The following MDGA2 variants were observed in gnomAD, a reference collection of about 807,000 sequenced individuals.
MDGA2 encodes the protein MAM domain-containing glycosylphosphatidylinositol anchor protein 2.
In MDGA2, 40 loss-of-function variants were observed where a neutral mutation model predicts 117.8. That is an observed-to-expected ratio of 0.34 (90% confidence interval 0.26 to 0.44). MDGA2 has a LOEUF of 0.44. MDGA2 is among the 20% of genes least tolerant of loss of function. The pLI is 1.00. For synonymous variants in MDGA2, 452 were observed against 439.0 expected, an observed-to-expected ratio of 1.03 and a Z score of -0.37; for missense variants, 1,123 against 1,250.6, an observed-to-expected ratio of 0.90 and a Z score of 1.54.
intron 5 of MDGA2, among the ~76,000 whole-genome samples, chr14:47,099,398 A>C (rs1196639601): frequency 6.6e-6 from 1 of 151,992 alleles, no homozygotes. Flanking sequence ...AAAACATAAA[A>C]ATATTTTTGT....
chr14:47,171,828 T>G lies in MDGA2; in HGVS notation c.596-27554A>C, dbSNP rs531619085. 3.2e-4 allele frequency among the ~76,000 whole-genome samples: 49 copies of G among 152,212 alleles called. 3 individuals are homozygous for G. In the South Asian group the frequency reaches 7.5e-3, roughly 23 times the overall value. ...TGGGTGCAGCACACCATGCGCGAGC[T>G]GAAGCAGGGCGAGGCATTGCCTTAC... On this transcript the variant is annotated intron_variant, in intron 3 of 16. Coordinates refer to ENST00000399232, the MANE Select transcript of MDGA2 (RefSeq NM_001113498.3).
chr14:46,955,527 G>C (rs528908780), intron 9 of MDGA2, among the ~76,000 whole-genome samples: 1 of 152,102 alleles, frequency 6.6e-6, no homozygotes, highest in East Asian at 1.9e-4. Flanking sequence ...TGCTTACTTT[G>C]TTCTTTTTCC....
At chr14:47,269,884 C>G (rs1489702077) in intron 2 of MDGA2, among the ~76,000 whole-genome samples, 1 of 152,108 alleles carries the variant, frequency 6.6e-6, no homozygotes, top group East Asian at 1.9e-4. Context: ...GAAATAAAGT[C>G]TGGAAAAACA....
intron 8 of MDGA2, among the ~76,000 whole-genome samples, chr14:46,993,907 T>C (rs1177324362): frequency 1.3e-5 from 2 of 152,176 alleles, no homozygotes; most frequent in Non-Finnish European, 2.9e-5. Context: ...GTCCATGTTA[T>C]ACGTGATACA....
In MDGA2 at chr14:47,675,317, GA is replaced by G. The variant is rs1898163519; in HGVS notation, c.-522del. Among the ~76,000 whole-genome samples, 1 of 918 alleles carries G rather than the reference GA, an allele frequency of 1.1e-3. No homozygotes were observed. Among genetic ancestry groups the G allele is most frequent in the African/African-American group, 3.6e-3 (1 of 278 alleles). The allele number at this position is 918 out of a possible 152,430, so 0.6% of individuals were successfully genotyped here. ...TCGCATCGCCGAACGGGGAGAGGAG[GA>G]AGAGGAGGAGGAGGAAGAGGAGGAG... On this transcript the variant is annotated 5_prime_UTR_variant, in exon 1 of 17. Coordinates refer to ENST00000399232, the MANE Select transcript of MDGA2 (RefSeq NM_001113498.3).
chr14:46,849,159 G>C (rs1231035811), intron 15 of MDGA2, among the ~76,000 whole-genome samples: 4 of 151,860 alleles, frequency 2.6e-5, no homozygotes, highest in Non-Finnish European at 4.4e-5. Context: ...GTCATAATTT[G>C]TATTTTTAAT....
rs113627554 is a variant in MDGA2, at chr14:47,121,309, G to A, written c.925+10405C>T. 9.0e-4 allele frequency among the ~76,000 whole-genome samples: 137 copies of A among 152,036 alleles called. 1 individual carries two copies. The highest frequency in any genetic ancestry group is 3.2e-3 in the African/African-American group (131 of 41,512). ...TTTCTTCATTAAGAAAGTAAATATA[G>A]AATATTCCAAAAAGGCTTTAGAAAA... On this transcript the variant is annotated intron_variant, in intron 5 of 16. Transcript: ENST00000399232.
At position 47,674,826 on chromosome 14, in the gene MDGA2, C is replaced by G. The variant is rs993903177; in HGVS notation, c.-30G>C. The G allele has an allele frequency of 3.1e-6, 2 of 637,088 alleles. No individual in the cohort carries two copies. The highest frequency in any genetic ancestry group is 3.8e-5 in the African/African-American group (2 of 53,024). The allele number at this position is 637,088 out of a possible 1,614,324, so 39.5% of individuals were successfully genotyped here. ...ACACACACTCACACACACTCACACACTCTCCCACAACACAATACCCTGACA... is the reference window on the plus strand; with the variant it reads ...ACACACACTCACACACACTCACACAGTCTCCCACAACACAATACCCTGACA... On this transcript the variant is annotated 5_prime_UTR_variant, in exon 1 of 17. Transcript: ENST00000399232.
chr14:46,982,705 CAAAAAAAAAAA>C (rs59530070), intron 8 of MDGA2, among the ~76,000 whole-genome samples: 6 of 45,910 alleles, frequency 1.3e-4, no homozygotes, highest in East Asian at 1.0e-3. Context: ...GAGACTCCAT[CAAAAAAAAAAA>C]AAAAAAAAAA....
At chr14:47,049,832 C>T (rs1203453303) in intron 7 of MDGA2, among the ~76,000 whole-genome samples, 1 of 151,966 alleles carries the variant, frequency 6.6e-6, no homozygotes. Flanking sequence ...TTGGGAAATT[C>T]TGATTTCTTT....
At chr14:46,939,663 C>A (rs1884922794) in intron 9 of MDGA2, among the ~76,000 whole-genome samples, 1 of 152,164 alleles carries the variant, frequency 6.6e-6, no homozygotes, top group South Asian at 2.1e-4. Context: ...CTGTATTTGT[C>A]AGGCACCATG....
intron 1 of MDGA2, among the ~76,000 whole-genome samples, chr14:47,410,799 T>C (rs544109977): frequency 1.3e-5 from 2 of 152,320 alleles, no homozygotes; most frequent in South Asian, 2.1e-4. Context: ...CTCAACAAAA[T>C]TGGTCTAATA....
intron 1 of MDGA2, among the ~76,000 whole-genome samples, chr14:47,565,088 T>C (rs1205729305): frequency 6.6e-6 from 1 of 152,184 alleles, no homozygotes; most frequent in Non-Finnish European, 1.5e-5. Context: ...TGCTCCTATC[T>C]GTATTCTGAA....
Position 47,061,354 on chromosome 14 carries a change from T to C in MDGA2, c.1420A>G (p.Ile474Val). The change falls in exon 7 of 17, where the codon ATT (isoleucine) becomes GTT (valine). Residue 474 changes from isoleucine to valine, a missense_variant. Ile to Val is a conservative substitution (Grantham distance 29, BLOSUM62 3). Around this residue, in one of 2 missense-constraint regions of MDGA2, gnomAD observed 890 missense variants for 1,050.3 expected, o/e 0.85. Coordinates refer to ENST00000399232, the MANE Select transcript of MDGA2 (RefSeq NM_001113498.3). ...CCAAAATCCGTGAATTTTAAATCAA[T>C]GATGTCCAAGTTTGTTGTTCCCGGA... ...VSPGTTNLDI[I>V]DLKFTDFGTY... 6.2e-7 allele frequency: 1 copy of C among 1,613,660 alleles called. No homozygotes were observed. Among genetic ancestry groups the C allele is most frequent in the Non-Finnish European group, 8.5e-7 (1 of 1,179,684 alleles).
At chr14:47,363,423 AC>A (rs1257208130) in intron 1 of MDGA2, among the ~76,000 whole-genome samples, 2 of 151,840 alleles carry the variant, frequency 1.3e-5, no homozygotes, top group Non-Finnish European at 2.9e-5. Context: ...ATACCCGGCT[AC>A]TTTTTGTATT....
chr14:47,644,178 A>G (rs1487462568), intron 1 of MDGA2, among the ~76,000 whole-genome samples: 2 of 152,168 alleles, frequency 1.3e-5, no homozygotes, highest in African/African-American at 4.8e-5. Flanking sequence ...CTAATCCCTA[A>G]AAGCTGTGAA....
chr14:47,238,331 T>C (rs1886931018), intron 2 of MDGA2, among the ~76,000 whole-genome samples: 1 of 152,122 alleles, frequency 6.6e-6, no homozygotes, highest in Admixed American at 6.5e-5. Flanking sequence ...ATTGTGTAGA[T>C]CTTGTTGATT....
intron 1 of MDGA2, among the ~76,000 whole-genome samples, chr14:47,456,590 A>G (rs1404368283): frequency 1.3e-5 from 2 of 152,024 alleles, no homozygotes; most frequent in Admixed American, 1.3e-4. Flanking sequence ...GGCATAAGCC[A>G]CCATGCCCGG....
chr14:47,078,408 T>C (rs75157502), intron 6 of MDGA2, among the ~76,000 whole-genome samples: 2,633 of 152,220 alleles, frequency 0.017, 62 homozygotes, highest in African/African-American at 0.06. Flanking sequence ...CAGAACCATA[T>C]GCTTCAACAG....
Sources: gnomAD v4.1 joint callset for allele counts (sites outside exome capture counted in the v4.1 genomes callset) on GRCh38, gnomAD v4.1.1 for gene constraint, gnomAD v4.1.1 regional missense constraint, MANE v1.5 for transcripts, NCBI Gene and HGNC (gene_info 2026-07-23, HGNC 2026-07-21) for gene names.